Variants in TANC2 observed in about 807,000 individuals in gnomAD.
TANC2 encodes the protein tetratricopeptide repeat, ankyrin repeat and coiled-coil containing 2.
Under a neutral mutation model 210.5 loss-of-function variants are expected in TANC2, and 26 were observed. That is an observed-to-expected ratio of 0.12 (90% CI 0.09 to 0.17). TANC2 has a LOEUF of 0.17. TANC2 is among the 10% of genes least tolerant of loss of function. TANC2 has a pLI of 1.00. For synonymous variants in TANC2, 931 were observed against 967.1 expected (o/e 0.96, Z 0.69); for missense variants, 2,129 against 2,608.9 (o/e 0.82, Z 4.01).
intron 1 of TANC2, among the ~76,000 whole-genome samples, chr17:62,997,385 G>A (rs1319949161): frequency 6.6e-6 from 1 of 152,156 alleles, no homozygotes; most frequent in Non-Finnish European, 1.5e-5. Flanking sequence ...TAGTGTGTGT[G>A]TGTTGTATTC....
chr17:63,284,415 T>A (rs2044158087), intron 9 of TANC2, among the ~76,000 whole-genome samples: 1 of 151,988 alleles, frequency 6.6e-6, no homozygotes, highest in African/African-American at 2.4e-5. Context: ...CTTTGTCTGG[T>A]TTTAGTATCA....
chr17:63,415,410 C>T (rs1254081296), intron 25 of TANC2, 118 bp from the exon 26 acceptor site: 4 of 1,326,142 alleles, frequency 3.0e-6, no homozygotes, highest in African/African-American at 1.5e-5. Context: ...TCTAGGCTGG[C>T]GTTTGGGAGG....
exon 28 of TANC2, chr17:63,425,344 T>C (rs1279887178): frequency 6.6e-6 from 1 of 152,230 alleles, no homozygotes; most frequent in Non-Finnish European, 1.5e-5. Context: ...TCCTAAATTA[T>C]TGTAAACAGA....
chr17:63,387,241 C>T (rs933041189), intron 15 of TANC2, among the ~76,000 whole-genome samples: 2 of 152,100 alleles, frequency 1.3e-5, no homozygotes, highest in African/African-American at 4.8e-5. Flanking sequence ...GTGCCTGTGT[C>T]GGAAAAGCCT....
intron 7 of TANC2, among the ~76,000 whole-genome samples, chr17:63,229,428 T>C (rs1288163468): frequency 6.6e-6 from 1 of 152,204 alleles, no homozygotes; most frequent in African/African-American, 2.4e-5. Flanking sequence ...AGAATGATGC[T>C]GGCCTCATAA....
intron 3 of TANC2, among the ~76,000 whole-genome samples, chr17:63,089,501 G>T (rs188444102): frequency 6.6e-6 from 1 of 152,290 alleles, no homozygotes; most frequent in Non-Finnish European, 1.5e-5. Flanking sequence ...AATTAAGTAG[G>T]TGGGTGCCAG....
chr17:63,099,964 C>T (rs1463802623), intron 4 of TANC2, among the ~76,000 whole-genome samples: 1 of 151,966 alleles, frequency 6.6e-6, no homozygotes, highest in Non-Finnish European at 1.5e-5. Flanking sequence ...GAACTTTTGT[C>T]CTTTTACGTC....
At chr17:63,199,408 C>T (rs2041454504) in intron 6 of TANC2, among the ~76,000 whole-genome samples, 1 of 152,008 alleles carries the variant, frequency 6.6e-6, no homozygotes, top group African/African-American at 2.4e-5. Flanking sequence ...AGTACACATT[C>T]AGGAGTTCAA....
At chr17:63,070,733 G>A (rs937123732) in intron 2 of TANC2, among the ~76,000 whole-genome samples, 1 of 152,084 alleles carries the variant, frequency 6.6e-6, no homozygotes, top group African/African-American at 2.4e-5. Context: ...GAAAATTTTA[G>A]TGTCCATAAA....
At chr17:63,121,881 C>G (rs1432991134) in intron 4 of TANC2, among the ~76,000 whole-genome samples, 1 of 150,674 alleles carries the variant, frequency 6.6e-6, no homozygotes, top group Non-Finnish European at 1.5e-5. Flanking sequence ...GTGGGAGGAT[C>G]GCTTGAGCCC....
At chr17:63,136,661 G>A (rs1297196287) in intron 4 of TANC2, among the ~76,000 whole-genome samples, 3 of 152,152 alleles carry the variant, frequency 2.0e-5, no homozygotes, top group Non-Finnish European at 2.9e-5. Context: ...ATAACAATGA[G>A]AGGCTTCTTC....
intron 16 of TANC2, 50 bp from the exon 17 acceptor site, chr17:63,389,258 G>T: frequency 3.5e-6 from 5 of 1,409,410 alleles, no homozygotes; most frequent in South Asian, 1.3e-5. Flanking sequence ...ATGACTAAAA[G>T]GATGTGACTC....
chr17:63,066,652 A>G (rs185419016), intron 2 of TANC2, among the ~76,000 whole-genome samples: 1 of 152,232 alleles, frequency 6.6e-6, no homozygotes, highest in East Asian at 1.9e-4. Context: ...AAGAATTCAC[A>G]TAAGCCAAAA....
intron 18 of TANC2, among the ~76,000 whole-genome samples, chr17:63,397,666 G>A (rs1188501670): frequency 1.3e-5 from 2 of 152,180 alleles, no homozygotes; most frequent in Non-Finnish European, 1.5e-5. Flanking sequence ...AAAGAGGGGA[G>A]GAGAAGCATA....
chr17:63,305,674 A>C (rs2044878026), intron 9 of TANC2: 1 of 152,258 alleles, frequency 6.6e-6, no homozygotes, highest in Non-Finnish European at 1.5e-5. Context: ...ATAATTAAGC[A>C]CTAAATTATA....
chr17:63,268,436 G>A (rs1415061760), intron 9 of TANC2, among the ~76,000 whole-genome samples: 1 of 152,120 alleles, frequency 6.6e-6, no homozygotes, highest in Non-Finnish European at 1.5e-5. Flanking sequence ...TGTGTATAAG[G>A]TGTGTATGAA....
At chr17:63,285,879 T>C (rs921041241) in intron 9 of TANC2, among the ~76,000 whole-genome samples, 2 of 152,146 alleles carry the variant, frequency 1.3e-5, no homozygotes, top group African/African-American at 4.8e-5. Flanking sequence ...ACAAACTGTT[T>C]AGGTACAATG....
chr17:62,972,346 T>A (rs1054005782), intron 1 of TANC2, among the ~76,000 whole-genome samples: 1 of 152,196 alleles, frequency 6.6e-6, no homozygotes, highest in African/African-American at 2.4e-5. Context: ...TGTGTTAGTG[T>A]TCTATTATGC....
intron 7 of TANC2, among the ~76,000 whole-genome samples, chr17:63,233,378 G>C (rs552846600): frequency 2.6e-4 from 40 of 152,278 alleles, no homozygotes; most frequent in African/African-American, 9.6e-4. Context: ...CTGATCTGTG[G>C]GTTGCACAGA....
Sources: gnomAD v4.1 joint callset for allele counts (sites outside exome capture counted in the v4.1 genomes callset) on GRCh38, gnomAD v4.1.1 for gene constraint, MANE v1.5 for transcripts, NCBI Gene and HGNC (gene_info 2026-07-23, HGNC 2026-07-21) for gene names.